Variants in RIN2 observed in about 807,000 individuals in gnomAD.
The protein encoded by RIN2 is Ras and Rab interactor 2.
Under a neutral mutation model 78.0 loss-of-function variants are expected in RIN2, and 36 were observed. The observed-to-expected ratio is 0.46, with a 90% CI of 0.35 to 0.61. RIN2 has a LOEUF of 0.61. Among genes scored for constraint, RIN2 ranks in the 20% least tolerant of loss-of-function variants. RIN2 has a pLI of 0.00. For missense variants in RIN2, 1,087 were observed against 1,159.7 expected (o/e 0.94, Z 0.91); for synonymous variants, 466 against 466.8 (o/e 1.00, Z 0.02).
At chr20:19,986,359 GA>G (rs1159550827) in intron 9 of RIN2, among the ~76,000 whole-genome samples, 3 of 149,522 alleles carry the variant, frequency 2.0e-5, no homozygotes, top group Admixed American at 1.3e-4. Context: ...ATAAACCTCT[GA>G]AAAAAAAATG....
intron 9 of RIN2, among the ~76,000 whole-genome samples, chr20:19,977,790 TC>T (rs1357764467): frequency 2.0e-5 from 3 of 152,184 alleles, no homozygotes; most frequent in African/African-American, 7.2e-5. Context: ...AGACTAAAGC[TC>T]TCTGTTGAGT....
intron 2 of RIN2, among the ~76,000 whole-genome samples, chr20:19,883,337 CTTTT>C (rs35438191): frequency 8.4e-6 from 1 of 118,538 alleles, no homozygotes; most frequent in Admixed American, 8.7e-5. Flanking sequence ...AAAGAGAGGA[CTTTT>C]TTTTTTTTTT....
intron 12 of RIN2, 66 bp downstream of exon 12, chr20:19,996,908 C>A: frequency 6.8e-7 from 1 of 1,460,772 alleles, no homozygotes; most frequent in Non-Finnish European, 9.2e-7. Context: ...TCACCCAGCA[C>A]ATCCCAGCTC....
intron 2 of RIN2, chr20:19,824,092 T>G: frequency 1.7e-6 from 1 of 599,078 alleles, no homozygotes; most frequent in Non-Finnish European, 3.0e-6. Context: ...CTGAGTTAAT[T>G]GTATAAAAGT....
chr20:19,795,571 C>T (rs1420311411), intron 1 of RIN2, among the ~76,000 whole-genome samples: 1 of 152,106 alleles, frequency 6.6e-6, no homozygotes, highest in East Asian at 1.9e-4. Context: ...AGATCTAAAA[C>T]AATACAGTCT....
At position 19,825,645 on chromosome 20, in the gene RIN2, T is replaced by A. The variant is rs375940940; in HGVS notation, c.-37+25898T>A. Among the ~76,000 whole-genome samples, 5 of 152,306 alleles carry A rather than the reference T, an allele frequency of 3.3e-5. No individual in the cohort carries two copies. The East Asian group carries it at 9.6e-4, about 29-fold the overall frequency. ...CACTGAAGGTTGAGGACACTCAGAA[T>A]AGGACTTCCACCAATACGGATACTG... On this transcript the variant is annotated intron_variant, in intron 2 of 12. Transcript: ENST00000255006.
rs530536921 is a variant in RIN2, at chr20:19,843,003, G to A, written c.-37+43256G>A. On this transcript the variant is annotated intron_variant, in intron 2 of 12. Coordinates refer to ENST00000255006, the MANE Select transcript of RIN2 (RefSeq NM_018993.4). Reference sequence around the variant, plus strand: ...ATTTTGAGGGACTCAAGACTTCTGTGGAGGAATCTGCTGCAGATGTGGTAG... The same window carrying A: ...ATTTTGAGGGACTCAAGACTTCTGTAGAGGAATCTGCTGCAGATGTGGTAG... Among the ~76,000 whole-genome samples, 7 of 152,240 alleles carry A rather than the reference G, an allele frequency of 4.6e-5. No individual in the cohort carries two copies. In the South Asian group the frequency reaches 1.5e-3, roughly 32 times the overall value.
At chr20:19,823,397 T>C in intron 2 of RIN2, 1 of 662,042 alleles carries the variant, frequency 1.5e-6, no homozygotes, top group South Asian at 1.7e-5. Context: ...GCTTTTTTTT[T>C]TTTCTTTTTT....
At chr20:19,995,095 C>CAA (rs1014308891) in intron 11 of RIN2, among the ~76,000 whole-genome samples, 2 of 152,008 alleles carry the variant, frequency 1.3e-5, no homozygotes, top group Non-Finnish European at 2.9e-5. Flanking sequence ...GGACAGTTGC[C>CAA]ATCTTGCATA....
intron 3 of RIN2, among the ~76,000 whole-genome samples, chr20:19,909,861 G>A (rs909027619): frequency 3.9e-5 from 6 of 152,210 alleles, no homozygotes; most frequent in African/African-American, 1.4e-4. Flanking sequence ...CAGCCTGGGT[G>A]TGGTGCGGCT....
intron 1 of RIN2, among the ~76,000 whole-genome samples, chr20:19,766,924 A>C (rs992949271): frequency 6.6e-6 from 1 of 151,948 alleles, no homozygotes; most frequent in Non-Finnish European, 1.5e-5. Context: ...AAAAAAAAAA[A>C]AAAGAAAAAA....
chr20:19,844,698 C>CTTCTTCTTCTTCTTCTTCTTCTTCT lies in RIN2; in HGVS notation c.-36-44867_-36-44866insTCTTCTTCTTCTTCTTCTTCTTCTT, dbSNP rs2036720210. 7.2e-4 allele frequency among the ~76,000 whole-genome samples: 19 copies of CTTCTTCTTCTTCTTCTTCTTCTTCT among 26,352 alleles called. 1 individual carries two copies. The highest frequency in any genetic ancestry group is 2.1e-3 in the African/African-American group (18 of 8,680). 17.3% of individuals were successfully genotyped at this position (26,352 alleles called of 152,430 possible). Reference sequence around the variant, plus strand: ...CTTCTTCTTCTTCCTCTTCCTCTTCCTCTTCTTCTTCTTCTTCTTCTTCTT... The same window carrying CTTCTTCTTCTTCTTCTTCTTCTTCT: ...CTTCTTCTTCTTCCTCTTCCTCTTCCTTCTTCTTCTTCTTCTTCTTCTTCTTCTTCTTCTTCTTCTTCTTCTTCTT... On this transcript the variant is annotated intron_variant, in intron 2 of 12. Coordinates refer to ENST00000255006, the MANE Select transcript of RIN2 (RefSeq NM_018993.4).
At chr20:19,769,065 G>T (rs2034012029) in intron 1 of RIN2, among the ~76,000 whole-genome samples, 1 of 151,926 alleles carries the variant, frequency 6.6e-6, no homozygotes, top group Non-Finnish European at 1.5e-5. Context: ...GGAATTACAG[G>T]TGCCCACCGC....
At chr20:19,804,410 G>C (rs1467851810) in intron 2 of RIN2, among the ~76,000 whole-genome samples, 1 of 152,166 alleles carries the variant, frequency 6.6e-6, no homozygotes, top group Non-Finnish European at 1.5e-5. Flanking sequence ...AACATAAAGG[G>C]ATGTGGAGTT....
chr20:19,975,162 C>A lies in RIN2; in HGVS notation c.1137C>A (p.Gly379=), dbSNP rs1224905197. Residue 379 remains glycine (G), a synonymous_variant, in exon 9 of 13, where the codon GGC becomes GGA. Coordinates refer to ENST00000255006, the MANE Select transcript of RIN2 (RefSeq NM_018993.4). The surrounding 1 kb of genome is among the most constrained non-coding windows in gnomAD (Gnocchi z 4.9). ...EAEGGAKTLS[G]GRPGAGPELE... ...AGGGCGGTGCAAAGACCTTGAGCGG[C>A]GGCCGGCCGGGCGCAGGCCCGGAGC... is the stretch of plus-strand genomic sequence containing the variant. The A allele has an allele frequency of 2.5e-6, 4 of 1,611,860 alleles. No individual in the cohort carries two copies. The East Asian group carries it at 6.7e-5, about 27-fold the overall frequency.
intron 2 of RIN2, among the ~76,000 whole-genome samples, chr20:19,851,018 G>GAAGGAAGGA: frequency 8.5e-6 from 1 of 117,810 alleles, no homozygotes; most frequent in African/African-American, 3.9e-5. Context: ...AGGAAGGAAG[G>GAAGGAAGGA]AAGGAAGGAA....
At chr20:19,951,919 T>C (rs2041332973) in intron 4 of RIN2, among the ~76,000 whole-genome samples, 2 of 152,194 alleles carry the variant, frequency 1.3e-5, no homozygotes, top group Admixed American at 6.5e-5. Flanking sequence ...CCTGTTTGCA[T>C]GCAGACACCT....
chr20:19,774,140 A>C (rs79944787), intron 1 of RIN2, among the ~76,000 whole-genome samples: 112 of 152,084 alleles, frequency 7.4e-4, no homozygotes, highest in African/African-American at 2.3e-3. Context: ...CTCACAGGGA[A>C]TTTTTCAAGA....
At chr20:19,836,537 G>A (rs1292860149) in intron 2 of RIN2, among the ~76,000 whole-genome samples, 1 of 151,894 alleles carries the variant, frequency 6.6e-6, no homozygotes, top group African/African-American at 2.4e-5. Context: ...AATATTGATA[G>A]TAAATTAAAG....
Sources: gnomAD v4.1 joint callset for allele counts (sites outside exome capture counted in the v4.1 genomes callset) on GRCh38, gnomAD v4.1.1 for gene constraint, Gnocchi (gnomAD v3.1) non-coding constraint, MANE v1.5 for transcripts, NCBI Gene and HGNC (gene_info 2026-07-23, HGNC 2026-07-21) for gene names.